The following SCAF1 variants were observed in gnomAD, a reference collection of about 807,000 sequenced individuals.
SCAF1 encodes the protein SR-related CTD associated factor 1.
A neutral mutation model predicts 91.2 loss-of-function variants in SCAF1; 28 were observed. That is an observed-to-expected ratio of 0.31 (90% CI 0.23 to 0.42). SCAF1 has a LOEUF of 0.42. Ranked by LOEUF, SCAF1 falls within the 10% of genes least tolerant of loss-of-function variation. The probability of loss-of-function intolerance (pLI) is 1.00; values close to 1 mark genes in which losing one functional copy is unlikely to be tolerated. For missense variants in SCAF1, 1,893 were observed against 1,872.1 expected (o/e 1.01, Z -0.21); for synonymous variants, 1,036 against 833.7 (o/e 1.24, Z -4.18).
In SCAF1 at chr19:49,645,995, T is replaced by C; in HGVS notation, c.167-113T>C. ...GTGGCGCATGGAGGCCTGGAGAGCA[T>C]GCGGGAGGCTGGTTCCGCTGTCAGG... On this transcript the variant is annotated intron_variant, in intron 3 of 10. Transcript: ENST00000360565. The surrounding 1 kb of genome is among the most constrained non-coding windows in gnomAD (Gnocchi z 4.6). 1 of 931,318 alleles carries C rather than the reference T, an allele frequency of 1.1e-6. No individual in the cohort carries two copies. The highest frequency in any genetic ancestry group is 1.7e-6 in the Non-Finnish European group (1 of 589,074). 57.7% of individuals were successfully genotyped at this position (931,318 alleles called of 1,614,324 possible). A position where few individuals can be genotyped will look rare whatever the true frequency, so the allele number is the denominator to read the frequency against.
In SCAF1 at chr19:49,653,452, G is replaced by T. The variant is rs199563438; in HGVS notation, c.3063G>T (p.Ala1021=). 2 of 1,459,728 alleles carry T rather than the reference G, an allele frequency of 1.4e-6. No homozygotes were observed. Among genetic ancestry groups the T allele is most frequent in the African/African-American group, 1.4e-5 (1 of 71,278 alleles). The allele number at this position is 1,459,728 out of a possible 1,614,324, so 90.4% of individuals were successfully genotyped here. A position where few individuals can be genotyped will look rare whatever the true frequency, so the allele number is the denominator to read the frequency against. The change falls in exon 7 of 11, where the codon GCG becomes GCT. Residue 1021 remains alanine, a synonymous_variant. Coordinates refer to ENST00000360565, the MANE Select transcript of SCAF1 (RefSeq NM_021228.3). ...AGGAGGCTGGGGTCCGAGGTGGGGCGGAGGAGGAGGAGGAGGAAGAAGAAG... is the reference window on the plus strand; with the variant it reads ...AGGAGGCTGGGGTCCGAGGTGGGGCTGAGGAGGAGGAGGAGGAAGAAGAAG... The part of the protein sequence containing the change: ...ATEEAGVRGG[A]EEEEEEEEEE...
In SCAF1 at chr19:49,651,483, G is replaced by T; in HGVS notation, c.1094G>T (p.Gly365Val). Residue 365 changes from glycine to valine, a missense_variant, in exon 7 of 11, where the codon GGC becomes GTC. Gly to Val is a moderately radical substitution (Grantham distance 109). This residue lies in a region of SCAF1 where 1,436 missense variants were observed against 1,306.8 expected (regional missense o/e 1.10). Coordinates refer to ENST00000360565, the MANE Select transcript of SCAF1 (RefSeq NM_021228.3). ...VGTEAEACRE[G>V]KVSVEVVTAG... ...ACCGAGGCAGAGGCTTGTCGGGAAGGCAAGGTCTCGGTGGAGGTGGTGACC... is the reference window on the plus strand; with the variant it reads ...ACCGAGGCAGAGGCTTGTCGGGAAGTCAAGGTCTCGGTGGAGGTGGTGACC... The T allele has an allele frequency of 6.3e-7, 1 of 1,580,838 alleles. No individual in the cohort carries two copies.
At position 49,652,345 on chromosome 19, in the gene SCAF1, G is replaced by A. The variant is rs1228751670; in HGVS notation, c.1956G>A (p.Glu652=). The change falls in exon 7 of 11, where the codon GAG becomes GAA. Residue 652 remains glutamate, a synonymous_variant. Transcript: ENST00000360565. ...AGAAGCGGTCGCGGTCCCGGGGTGAGAAGCGGTCTGGGGATGGCAGCGAGA... is the reference window on the plus strand; with the variant it reads ...AGAAGCGGTCGCGGTCCCGGGGTGAAAAGCGGTCTGGGGATGGCAGCGAGA... ...KKKKRSRSRG[E]KRSGDGSEKA... 7 of 1,537,604 alleles carry A rather than the reference G, an allele frequency of 4.6e-6. No individual in the cohort carries two copies. In the Admixed American group the frequency reaches 1.2e-4, roughly 27 times the overall value.
In SCAF1 at chr19:49,646,969, C is replaced by T; in HGVS notation, c.478+139C>T. 1 of 664,440 alleles carries T rather than the reference C, an allele frequency of 1.5e-6. No individual in the cohort carries two copies. The highest frequency in any genetic ancestry group is 2.5e-6 in the Non-Finnish European group (1 of 393,452). The allele number at this position is 664,440 out of a possible 1,614,324, so 41.2% of individuals were successfully genotyped here. On this transcript the variant is annotated intron_variant, in intron 6 of 10. Transcript: ENST00000360565. The surrounding 1 kb of genome is among the most constrained non-coding windows in gnomAD (Gnocchi z 5.6). ...CTCTTCGTATTAGACGTGATTAAGGCTGTAGGCGCATACAGATGTACATAA... is the reference window on the plus strand; with the variant it reads ...CTCTTCGTATTAGACGTGATTAAGGTTGTAGGCGCATACAGATGTACATAA...
chr19:49,654,536 TG>T, intron 8 of SCAF1, 105 bp downstream of exon 8: 5 of 1,369,874 alleles, frequency 3.6e-6, no homozygotes, highest in Non-Finnish European at 5.1e-6. Context: ...GGTATCGGCC[TG>T]AAGAGGAGCC....
Position 49,654,777 on chromosome 19 carries a change from C to T in SCAF1, c.3525C>T (p.Cys1175=), listed in dbSNP as rs775225870. The T allele has an allele frequency of 1.8e-5, 29 of 1,612,912 alleles. No individual in the cohort carries two copies. Among genetic ancestry groups the T allele is most frequent in the African/African-American group, 6.7e-5 (5 of 74,890 alleles). ...CTGGCAGCCTCCCTCTGGGGGGCTG[C>T]GGTTCGACCCCCCCCACCCCCACCG... is the stretch of plus-strand genomic sequence containing the variant. ...LLPGSLPLGG[C]GSTPPTPTGL... is the part of the protein sequence containing the mutation. The change falls in exon 9 of 11, where the codon TGC becomes TGT. Residue 1175 remains cysteine (C), a synonymous_variant. Coordinates refer to ENST00000360565, the MANE Select transcript of SCAF1 (RefSeq NM_021228.3).
In SCAF1 at chr19:49,652,642, G is replaced by A; in HGVS notation, c.2253G>A (p.Arg751=). 1 of 1,559,812 alleles carries A rather than the reference G, an allele frequency of 6.4e-7. No individual in the cohort carries two copies. Among genetic ancestry groups the A allele is most frequent in the South Asian group, 1.2e-5 (1 of 85,316 alleles). Residue 751 remains arginine (R), a synonymous_variant, in exon 7 of 11, where the codon CGG becomes CGA. Coordinates refer to ENST00000360565, the MANE Select transcript of SCAF1 (RefSeq NM_021228.3). ...ERGGKSSQKD[R]RRSGAASSSS... ...GCGGCAAGAGCAGCCAGAAGGATCG[G>A]CGCCGCTCGGGGGCCGCCTCCTCCT... is the stretch of plus-strand genomic sequence containing the variant.
Position 49,653,675 on chromosome 19 carries a change from G to A in SCAF1, c.3286G>A (p.Val1096Met). 1 of 1,586,042 alleles carries A rather than the reference G, an allele frequency of 6.3e-7. No homozygotes were observed. The highest frequency in any genetic ancestry group is 8.5e-7 in the Non-Finnish European group (1 of 1,171,412). The stretch of plus-strand genomic sequence containing the variant: ...CATGCCCTGGAATCTGCCAGCTGGT[G>A]TGGACTGCACCACCAGCGGCGTCCT... ...PPMPWNLPAG[V>M]DCTTSGVLAL... is the part of the protein sequence containing the mutation. The change falls in exon 7 of 11, where the codon GTG (valine) becomes ATG (methionine). Residue 1096 changes from valine to methionine, a missense_variant. Val to Met is a conservative substitution (Grantham distance 21). This residue lies in a region of SCAF1 where 1,436 missense variants were observed against 1,306.8 expected (regional missense o/e 1.10). Transcript: ENST00000360565.
At position 49,651,056 on chromosome 19, in the gene SCAF1, C is replaced by T; in HGVS notation, c.667C>T (p.Pro223Ser). 2 of 1,482,950 alleles carry T rather than the reference C, an allele frequency of 1.3e-6. No homozygotes were observed. Among genetic ancestry groups the T allele is most frequent in the Non-Finnish European group, 1.8e-6 (2 of 1,105,582 alleles). 91.9% of individuals were successfully genotyped at this position (1,482,950 alleles called of 1,614,324 possible). The change falls in exon 7 of 11, where the codon CCC becomes TCC. Residue 223 changes from proline to serine, a missense_variant. Coordinates refer to ENST00000360565, the MANE Select transcript of SCAF1 (RefSeq NM_021228.3). ...PPPAPPAPPAPRFDIYDPFHP... is the reference protein window; with the variant it reads ...PPPAPPAPPASRFDIYDPFHP... ...CCCTGCACCCCCAGCCCCACCTGCC[C>T]CCCGATTCGATATCTATGACCCCTT...
upstream of SCAF1, among the ~76,000 whole-genome samples, chr19:49,640,578 G>A (rs902289528): frequency 6.6e-6 from 1 of 152,196 alleles, no homozygotes; most frequent in Non-Finnish European, 1.5e-5. Context: ...GCGCTCCGAG[G>A]AAGCAGCAGG....
Position 49,651,916 on chromosome 19 carries a change from C to A in SCAF1, c.1527C>A (p.Ala509=), listed in dbSNP as rs946930421. ...PSPAPAPAPA[A]AAGPPTRKKS... ...CGGCGCCCGCGCCCGCCCCGGCCGC[C>A]GCTGCTGGTCCGCCCACGCGCAAGA... The change falls in exon 7 of 11, where the codon GCC becomes GCA. Residue 509 remains alanine (A), a synonymous_variant. Transcript: ENST00000360565. 11 of 1,153,060 alleles carry A rather than the reference C, an allele frequency of 9.5e-6. No individual in the cohort carries two copies. The highest frequency in any genetic ancestry group is 4.5e-5 in the South Asian group (2 of 44,578). The allele number at this position is 1,153,060 out of a possible 1,614,324, so 71.4% of individuals were successfully genotyped here. A position where few individuals can be genotyped will look rare whatever the true frequency, so the allele number is the denominator to read the frequency against.
In SCAF1 at chr19:49,651,358, C is replaced by A; in HGVS notation, c.969C>A (p.Asp323Glu). Residue 323 changes from aspartate (D) to glutamate (E), a missense_variant, in exon 7 of 11, where the codon GAC (aspartate) becomes GAA (glutamate). Physicochemically the swap from Asp to Glu is conservative, Grantham distance 45. Around this residue, in one of 5 missense-constraint regions of SCAF1, gnomAD observed 1,436 missense variants for 1,306.8 expected, o/e 1.10. Transcript: ENST00000360565. ...CAGGTGACGAGAGCCCCCGCCCGGA[C>A]GCGCAGCCCACACAGCCGACTCCCG... The part of the protein sequence containing the change: ...DFPGDESPRP[D>E]AQPTQPTPAP... 6.2e-7 allele frequency: 1 copy of A among 1,608,156 alleles called. No individual in the cohort carries two copies. Among genetic ancestry groups the A allele is most frequent in the Non-Finnish European group, 8.5e-7 (1 of 1,179,776 alleles).
chr19:49,656,533 G>T (rs1026537141), intron 9 of SCAF1, among the ~76,000 whole-genome samples: 1 of 152,216 alleles, frequency 6.6e-6, no homozygotes, highest in Admixed American at 6.5e-5. Context: ...CAGAAGGCCT[G>T]TTCTTCTCTG....
rs1287163993 is a variant in SCAF1, at chr19:49,652,372, G to GGCCCCGGCGCCCGCCCCGGCGCCC, written c.2001_2002insGCGCCCGCCCCGGCGCCCGCCCCG (p.Pro667_Pro668insAlaProAlaProAlaProAlaPro). 1 of 1,541,142 alleles carries GGCCCCGGCGCCCGCCCCGGCGCCC rather than the reference G, an allele frequency of 6.5e-7. No homozygotes were observed. Among genetic ancestry groups the GGCCCCGGCGCCCGCCCCGGCGCCC allele is most frequent in the Non-Finnish European group, 8.7e-7 (1 of 1,146,872 alleles). ...AGCGGTCTGGGGATGGCAGCGAGAA[G>GGCCCCGGCGCCCGCCCCGGCGCCC]GCCCCGGCGCCCGCCCCGCCGCCCT... On this transcript the variant is annotated inframe_insertion, in exon 7 of 11. Coordinates refer to ENST00000360565, the MANE Select transcript of SCAF1 (RefSeq NM_021228.3).
Position 49,652,131 on chromosome 19 carries a change from G to A in SCAF1, c.1742G>A (p.Arg581His), listed in dbSNP as rs1222942374. 3.0e-6 allele frequency: 3 copies of A among 993,930 alleles called. No individual in the cohort carries two copies. Among genetic ancestry groups the A allele is most frequent in the South Asian group, 2.8e-5 (1 of 35,866 alleles). The allele number at this position is 993,930 out of a possible 1,614,324, so 61.6% of individuals were successfully genotyped here. The change falls in exon 7 of 11, where the codon CGC becomes CAC. Residue 581 changes from arginine to histidine, a missense_variant. Coordinates refer to ENST00000360565, the MANE Select transcript of SCAF1 (RefSeq NM_021228.3). ...CGCTCCCGCTCCCGCTCCCGCTCCC[G>A]CTCCACCCGCCGCCGCTCGCGCAGC... ...RRRSRSRSRS[R>H]STRRRSRSTD...
At position 49,652,143 on chromosome 19, in the gene SCAF1, G is replaced by T; in HGVS notation, c.1754G>T (p.Arg585Leu). ...RSRSRSRSTR[R>L]RSRSTDRRRG... ...CGCTCCCGCTCCCGCTCCACCCGCCGCCGCTCGCGCAGCACCGACCGCCGC... is the reference window on the plus strand; with the variant it reads ...CGCTCCCGCTCCCGCTCCACCCGCCTCCGCTCGCGCAGCACCGACCGCCGC... The change falls in exon 7 of 11, where the codon CGC (arginine) becomes CTC (leucine). Residue 585 changes from arginine to leucine, a missense_variant. Around this residue, in one of 5 missense-constraint regions of SCAF1, gnomAD observed 1,436 missense variants for 1,306.8 expected, o/e 1.10. Coordinates refer to ENST00000360565, the MANE Select transcript of SCAF1 (RefSeq NM_021228.3). 1 of 1,099,090 alleles carries T rather than the reference G, an allele frequency of 9.1e-7. No homozygotes were observed. The highest frequency in any genetic ancestry group is 1.1e-6 in the Non-Finnish European group (1 of 899,704). 68.1% of individuals were successfully genotyped at this position (1,099,090 alleles called of 1,614,324 possible).
At chr19:49,658,076 G>C (rs1281386723) in intron 10 of SCAF1, 132 bp from the exon 11 acceptor site, 2 of 1,221,524 alleles carry the variant, frequency 1.6e-6, no homozygotes, top group Non-Finnish European at 2.3e-6. Flanking sequence ...CCATCGTCTA[G>C]GGGGACAGAG....
chr19:49,658,322 C>T lies in SCAF1; in HGVS notation c.3862C>T (p.Pro1288Ser), dbSNP rs1410616643. The T allele has an allele frequency of 3.8e-6, 6 of 1,599,826 alleles. No individual in the cohort carries two copies. The highest frequency in any genetic ancestry group is 2.7e-5 in the African/African-American group (2 of 74,556). The change falls in exon 11 of 11, where the codon CCA becomes TCA. Residue 1288 changes from proline to serine, a missense_variant. Physicochemically the swap from Pro to Ser is moderately conservative, Grantham distance 74. Coordinates refer to ENST00000360565, the MANE Select transcript of SCAF1 (RefSeq NM_021228.3). ...RKHGRKPGDP[P>S]GPPRPPKEPG... ...GCACGGTCGCAAGCCAGGGGACCCC[C>T]CAGGGCCCCCACGGCCGCCCAAGGA... is the stretch of plus-strand genomic sequence containing the variant.
intron 1 of SCAF1, among the ~76,000 whole-genome samples, chr19:49,644,395 C>G (rs2081043049): frequency 6.6e-6 from 1 of 152,190 alleles, no homozygotes; most frequent in African/African-American, 2.4e-5. Context: ...TTCGGCATGT[C>G]TTTCTGAAGT....
Sources: gnomAD v4.1 joint callset for allele counts (sites outside exome capture counted in the v4.1 genomes callset) on GRCh38, gnomAD v4.1.1 for gene constraint, gnomAD v4.1.1 regional missense constraint, Gnocchi (gnomAD v3.1) non-coding constraint, MANE v1.5 for transcripts, NCBI Gene and HGNC (gene_info 2026-07-23, HGNC 2026-07-21) for gene names.